The following PTPRD variants were observed in gnomAD, a reference collection of about 807,000 sequenced individuals.
PTPRD encodes receptor-type tyrosine-protein phosphatase delta.
PTPRD carries 34 observed loss-of-function variants against 214.5 expected under a neutral mutation model. That is an observed-to-expected ratio of 0.16 (90% CI 0.12 to 0.21). The LOEUF is 0.21. PTPRD is among the 10% of genes least tolerant of loss of function. The pLI is 1.00. For missense variants in PTPRD, 2,545 were observed against 2,398.7 expected (o/e 1.06, Z -1.27); for synonymous variants, 1,128 against 845.7 (o/e 1.33, Z -5.79).
chr9:8,315,269 T>C lies in PTPRD; in HGVS notation c.*2605A>G, dbSNP rs577748383. The stretch of plus-strand genomic sequence containing the variant: ...CAATAGTCTCCGCCTCGTTCGTCTA[T>C]GGTATGCATCCCATTCATTTTCTTC... On this transcript the variant is annotated 3_prime_UTR_variant, in exon 46 of 46. Coordinates refer to ENST00000381196, the MANE Select transcript of PTPRD (RefSeq NM_002839.4). The C allele has an allele frequency of 9.6e-4, 224 of 232,532 alleles. 1 individual carries two copies. Among genetic ancestry groups the C allele is most frequent in the African/African-American group, 4.7e-3 (214 of 45,132 alleles). The allele number at this position is 232,532 out of a possible 1,614,324, so 14.4% of individuals were successfully genotyped here.
At chr9:8,730,988 C>G (rs896863559) in intron 12 of PTPRD, among the ~76,000 whole-genome samples, 1 of 152,142 alleles carries the variant, frequency 6.6e-6, no homozygotes, top group African/African-American at 2.4e-5. Context: ...CTAGCTTTTT[C>G]AAATAATAGT....
chr9:8,445,805 G>C (rs943151317), intron 34 of PTPRD, among the ~76,000 whole-genome samples: 1 of 152,174 alleles, frequency 6.6e-6, no homozygotes, highest in African/African-American at 2.4e-5. Flanking sequence ...AAGGGGCTGG[G>C]TTGGTGATTC....
intron 7 of PTPRD, among the ~76,000 whole-genome samples, chr9:9,640,054 T>C (rs991655744): frequency 2.0e-5 from 3 of 152,208 alleles, no homozygotes; most frequent in Non-Finnish European, 2.9e-5. Flanking sequence ...CCTTGGTAAC[T>C]GAACCTTGAT....
In PTPRD at chr9:10,264,187, G is replaced by T. The variant is rs181112772; in HGVS notation, c.-545+76776C>A. On this transcript the variant is annotated intron_variant, in intron 3 of 45. Transcript: ENST00000381196. ...GGACAGTGTGGAAGGGAAATGTGGGGTTGAAGCCCCCACATAGAGTCCCCA... is the reference window on the plus strand; with the variant it reads ...GGACAGTGTGGAAGGGAAATGTGGGTTTGAAGCCCCCACATAGAGTCCCCA... Among the ~76,000 whole-genome samples the T allele has an allele frequency of 3.3e-5, 5 of 152,318 alleles. No individual in the cohort carries two copies. In the South Asian group the frequency reaches 1.0e-3, roughly 32 times the overall value.
Position 9,021,700 on chromosome 9 carries a change from T to C in PTPRD, c.-142-2965A>G, listed in dbSNP as rs530546041. Among the ~76,000 whole-genome samples the C allele has an allele frequency of 9.9e-5, 15 of 152,212 alleles. No individual in the cohort carries two copies. In the South Asian group the frequency reaches 3.1e-3, roughly 32 times the overall value. On this transcript the variant is annotated intron_variant, in intron 10 of 45. Coordinates refer to ENST00000381196, the MANE Select transcript of PTPRD (RefSeq NM_002839.4). The stretch of plus-strand genomic sequence containing the variant: ...TGTGGAAGAGAGTGTTACTGATGAC[T>C]CTTACCATGTGTAGGCCTAGACTAA...
chr9:9,732,870 A>G (rs1261007368), intron 7 of PTPRD, among the ~76,000 whole-genome samples: 1 of 151,748 alleles, frequency 6.6e-6, no homozygotes, highest in East Asian at 1.9e-4. Flanking sequence ...GATTTCTTGA[A>G]CCCAGGAGGC....
At chr9:8,813,649 A>C (rs1234101382) in intron 11 of PTPRD, among the ~76,000 whole-genome samples, 1 of 152,196 alleles carries the variant, frequency 6.6e-6, no homozygotes, top group East Asian at 1.9e-4. Context: ...CTGGGATTAC[A>C]GGTACGAGCC....
At chr9:9,321,423 T>C (rs1966449680) in intron 9 of PTPRD, among the ~76,000 whole-genome samples, 1 of 151,832 alleles carries the variant, frequency 6.6e-6, no homozygotes. Flanking sequence ...GGCGTGGTGG[T>C]GCATGCCTGT....
intron 2 of PTPRD, among the ~76,000 whole-genome samples, chr9:10,586,324 G>C (rs1456609172): frequency 2.0e-5 from 3 of 152,010 alleles, no homozygotes; most frequent in Non-Finnish European, 4.4e-5. Flanking sequence ...CAAAGATGGT[G>C]AGAAGAGTTT....
intron 12 of PTPRD, among the ~76,000 whole-genome samples, chr9:8,678,116 A>T (rs1173495763): frequency 2.0e-5 from 3 of 152,168 alleles, no homozygotes; most frequent in African/African-American, 7.2e-5. Flanking sequence ...AATTGGAGTT[A>T]TATTTTTGAA....
chr9:8,439,934 A>ATT (rs2095487158), intron 34 of PTPRD, among the ~76,000 whole-genome samples: 2 of 66,018 alleles, frequency 3.0e-5, no homozygotes, highest in African/African-American at 5.5e-5. Context: ...GATGTGCTTT[A>ATT]ATTTTTTTTT....
chr9:9,014,774 AC>A (rs893762750), intron 11 of PTPRD, among the ~76,000 whole-genome samples: 4 of 152,164 alleles, frequency 2.6e-5, no homozygotes, highest in African/African-American at 9.6e-5. Context: ...ACTACTTAAA[AC>A]ACGATGTTTA....
chr9:9,573,526 A>C (rs970797795), intron 8 of PTPRD, among the ~76,000 whole-genome samples: 18 of 151,732 alleles, frequency 1.2e-4, no homozygotes, highest in African/African-American at 4.3e-4. Flanking sequence ...TGTATATAAG[A>C]TAATTAAAAC....
chr9:9,487,751 G>T (rs1457007206), intron 8 of PTPRD, among the ~76,000 whole-genome samples: 3 of 152,062 alleles, frequency 2.0e-5, no homozygotes, highest in African/African-American at 4.8e-5. Flanking sequence ...TATAGACTTT[G>T]ATTCTTTACA....
At chr9:9,457,134 C>G (rs1399097460) in intron 8 of PTPRD, among the ~76,000 whole-genome samples, 1 of 151,770 alleles carries the variant, frequency 6.6e-6, no homozygotes, top group Admixed American at 6.6e-5. Context: ...AGGTGAAGTA[C>G]AAGGGAGCAA....
chr9:8,834,982 T>C (rs1444471506), intron 11 of PTPRD, among the ~76,000 whole-genome samples: 3 of 152,038 alleles, frequency 2.0e-5, no homozygotes, highest in African/African-American at 7.2e-5. Context: ...CCTAAAGAGG[T>C]TGGCATGACT....
chr9:8,729,407 G>A (rs1373644445), intron 12 of PTPRD, among the ~76,000 whole-genome samples: 8 of 151,156 alleles, frequency 5.3e-5, no homozygotes, highest in African/African-American at 2.0e-4. Flanking sequence ...AGAAAACCTG[G>A]CTTATCCACC....
Position 10,612,969 on chromosome 9 carries a change from T to C in PTPRD, c.-989A>G, listed in dbSNP as rs1035972274. On this transcript the variant is annotated 5_prime_UTR_variant, in exon 1 of 46. Coordinates refer to ENST00000381196, the MANE Select transcript of PTPRD (RefSeq NM_002839.4). The stretch of plus-strand genomic sequence containing the variant: ...GCCGCTCCCGCACTCGCTCGCTCGC[T>C]CGCTGGCGCTCCCTCCTCGTCTCGC... Among the ~76,000 whole-genome samples, 22 of 151,136 alleles carry C rather than the reference T, an allele frequency of 1.5e-4. No individual in the cohort carries two copies. Among genetic ancestry groups the C allele is most frequent in the African/African-American group, 4.8e-4 (20 of 41,304 alleles).
At chr9:9,554,411 T>A (rs1204647147) in intron 8 of PTPRD, among the ~76,000 whole-genome samples, 1 of 152,042 alleles carries the variant, frequency 6.6e-6, no homozygotes, top group Admixed American at 6.6e-5. Flanking sequence ...GTTTTATTTT[T>A]TTTTTTCTTT....
Sources: allele counts gnomAD v4.1 joint callset (sites outside exome capture counted in the v4.1 genomes callset), GRCh38; gene constraint gnomAD v4.1.1; transcripts MANE v1.5; gene names NCBI Gene and HGNC (gene_info 2026-07-23, HGNC 2026-07-21).